The following GNAS variants were observed in gnomAD, a reference collection of about 807,000 sequenced individuals.
The protein encoded by GNAS is protein ALEX.
A neutral mutation model predicts 54.5 loss-of-function variants in GNAS; 8 were observed. The observed-to-expected ratio is 0.15, with a 90% confidence interval of 0.09 to 0.26. The LOEUF (loss-of-function observed/expected upper bound fraction) is 0.26. GNAS is among the 10% of genes least tolerant of loss of function. GNAS has a pLI of 1.00. For synonymous variants in GNAS, 204 were observed against 191.4 expected (o/e 1.07, Z -0.54); for missense variants, 170 against 529.8 (o/e 0.32, Z 6.67).
At chr20:58,866,883 G>A (rs2087102966) in intron 1 of GNAS, among the ~76,000 whole-genome samples, 2 of 151,502 alleles carry the variant, frequency 1.3e-5, no homozygotes, top group Non-Finnish European at 2.9e-5. Context: ...CTCCACTCCA[G>A]ACATGCAGGT....
At position 58,909,695 on chromosome 20, in the gene GNAS, A is replaced by C; in HGVS notation, c.730A>C (p.Ile244Leu). 6.2e-7 allele frequency: 1 copy of C among 1,614,110 alleles called. No individual in the cohort carries two copies. The highest frequency in any genetic ancestry group is 8.5e-7 in the Non-Finnish European group (1 of 1,180,000). ...WIQCFNDVTA[I>L]IFVVASSSYN... ...TCTCTTTGGTTAAGATGTGACTGCC[A>C]TCATCTTCGTGGTGGCCAGCAGCAG... Residue 244 changes from isoleucine to leucine, a missense_variant, in exon 10 of 13, where the codon ATC (isoleucine) becomes CTC (leucine). Ile to Leu is a conservative substitution (Grantham distance 5, BLOSUM62 2). Around this residue, in one of 3 missense-constraint regions of GNAS, gnomAD observed 36 missense variants for 223.0 expected, o/e 0.16. Transcript: ENST00000371085. The surrounding 1 kb of genome is among the most constrained non-coding windows in gnomAD (Gnocchi z 7.3).
chr20:58,871,293 C>T (rs570926301), intron 1 of GNAS, among the ~76,000 whole-genome samples: 130 of 152,038 alleles, frequency 8.6e-4, no homozygotes, highest in Middle Eastern at 6.8e-3. Context: ...AAGGTGCAAA[C>T]GGAAGGAAAG....
chr20:58,840,129 A>G (rs1225314176), upstream of GNAS: 1 of 1,611,466 alleles, frequency 6.2e-7, no homozygotes, highest in Non-Finnish European at 8.5e-7. The surrounding 1 kb of genome is among the most constrained non-coding windows in gnomAD (Gnocchi z 6.0). Flanking sequence ...TCCCGGGCTC[A>G]GCAGTGGCGC....
At chr20:58,876,974 T>C (rs553744308) in intron 1 of GNAS, 1 of 152,380 alleles carries the variant, frequency 6.6e-6, no homozygotes, top group South Asian at 2.1e-4. Flanking sequence ...TGCTTAGAAC[T>C]CTGCTTTAAG....
chr20:58,884,425 T>C (rs2088452909), intron 1 of GNAS: 1 of 152,244 alleles, frequency 6.6e-6, no homozygotes, highest in Non-Finnish European at 1.5e-5. Flanking sequence ...GGAAATTTTA[T>C]TAGAACCTCA....
At chr20:58,906,176 C>A (rs186822849) in intron 6 of GNAS, among the ~76,000 whole-genome samples, 2 of 152,156 alleles carry the variant, frequency 1.3e-5, no homozygotes, top group Non-Finnish European at 2.9e-5. Flanking sequence ...TTACTACCTG[C>A]GAGGAGGACA....
In GNAS at chr20:58,841,005, G is replaced by A; in HGVS notation, c.43+119G>A. The A allele has an allele frequency of 8.7e-7, 1 of 1,151,216 alleles. No homozygotes were observed. Among genetic ancestry groups the A allele is most frequent in the Non-Finnish European group, 1.3e-6 (1 of 797,262 alleles). The allele number at this position is 1,151,216 out of a possible 1,614,324, so 71.3% of individuals were successfully genotyped here. A position where few individuals can be genotyped will look rare whatever the true frequency, so the allele number is the denominator to read the frequency against. Reference sequence around the variant, plus strand: ...AGTGGGAAGAGAGGAGGCTCAGCTGGTCAGCCTGGGATCGGGGGTCAGGGT... The same window carrying A: ...AGTGGGAAGAGAGGAGGCTCAGCTGATCAGCCTGGGATCGGGGGTCAGGGT... On this transcript the variant is annotated intron_variant, in intron 1 of 12. Transcript: ENST00000306090. The surrounding 1 kb of genome is among the most constrained non-coding windows in gnomAD (Gnocchi z 5.0).
intron 1 of GNAS, among the ~76,000 whole-genome samples, chr20:58,849,680 TC>T (rs2086078029): frequency 6.6e-6 from 1 of 152,186 alleles, no homozygotes; most frequent in Admixed American, 6.5e-5. Flanking sequence ...ACACTTTGGC[TC>T]CTCCATCTTT....
At position 58,873,843 on chromosome 20, in the gene GNAS, G is replaced by A. The variant is rs1361198650; in HGVS notation, c.44-21769G>A. ...AAGTTAACAAGAGTGGGCAGTCTCT[G>A]CTAAGCGATTACACAGGGAATAAAT... On this transcript the variant is annotated intron_variant, in intron 1 of 12. Transcript: ENST00000306090. This position sits in a 1 kb window ranked among gnomAD's most constrained non-coding sequence, Gnocchi z 4.3. Among the ~76,000 whole-genome samples the A allele has an allele frequency of 6.6e-6, 1 of 152,170 alleles. No individual in the cohort carries two copies. Among genetic ancestry groups the A allele is most frequent in the East Asian group, 1.9e-4 (1 of 5,206 alleles).
intron 1 of GNAS, among the ~76,000 whole-genome samples, chr20:58,893,095 C>T (rs6026580): frequency 0.68 from 88,305 of 129,150 alleles, 29,726 homozygotes; most frequent in South Asian, 0.77. Flanking sequence ...TTTTTGTCCT[C>T]CTCAAGGTGG....
chr20:58,893,027 G>A (rs2089640868), intron 1 of GNAS, among the ~76,000 whole-genome samples: 1 of 143,958 alleles, frequency 6.9e-6, no homozygotes, highest in Non-Finnish European at 1.5e-5. Flanking sequence ...AATGACATTT[G>A]TCTGTAAATG....
At chr20:58,875,065 T>A (rs991517212) in intron 1 of GNAS, among the ~76,000 whole-genome samples, 1 of 152,214 alleles carries the variant, frequency 6.6e-6, no homozygotes, top group South Asian at 2.1e-4. Context: ...TTGCTAGCTA[T>A]TTTTTATGTT....
chr20:58,871,626 A>C (rs573129268), intron 1 of GNAS, among the ~76,000 whole-genome samples: 55 of 147,754 alleles, frequency 3.7e-4, no homozygotes, highest in African/African-American at 7.8e-4. Context: ...AAAAAAAAAA[A>C]AAACAAACAA....
chr20:58,898,597 ATT>A, intron 2 of GNAS: 1 of 385,424 alleles, frequency 2.6e-6, no homozygotes, highest in Non-Finnish European at 4.8e-6. Context: ...TCTCCAAAGA[ATT>A]GTGAGATAAA....
upstream of GNAS, among the ~76,000 whole-genome samples, chr20:58,887,356 ACAAT>A (rs939901662): frequency 1.9e-4 from 29 of 152,248 alleles, no homozygotes; most frequent in South Asian, 2.1e-4. Context: ...TTTAAAAATG[ACAAT>A]CAATCAAATT....
rs2089948949 is a variant in GNAS, at chr20:58,895,379, C to A, written c.140-233C>A. On this transcript the variant is annotated intron_variant, in intron 1 of 12. Transcript: ENST00000371085. Reference sequence around the variant, plus strand: ...CAAAAGAAAAATTAAAACCAGCAAACCTTAAATTCTTGTTTGTTATTTGGA... The same window carrying A: ...CAAAAGAAAAATTAAAACCAGCAAAACTTAAATTCTTGTTTGTTATTTGGA... 9.4e-6 allele frequency: 5 copies of A among 529,130 alleles called. No homozygotes were observed. The South Asian group carries it at 1.1e-4, about 11-fold the overall frequency. The allele number at this position is 529,130 out of a possible 1,614,324, so 32.8% of individuals were successfully genotyped here. A position where few individuals can be genotyped will look rare whatever the true frequency, so the allele number is the denominator to read the frequency against.
chr20:58,853,331 C>T lies in GNAS; in HGVS notation c.43+12445C>T, dbSNP rs757329603. The stretch of plus-strand genomic sequence containing the variant: ...GACAACGCGATATCCCCCCTGAAAT[C>T]GGGGAACAGCCCGAGCAACCACCTT... On this transcript the variant is annotated intron_variant, in intron 1 of 12. Coordinates refer to the GNAS transcript ENST00000306090. The surrounding 1 kb of genome is among the most constrained non-coding windows in gnomAD (Gnocchi z 4.4). 1.9e-6 allele frequency: 3 copies of T among 1,550,568 alleles called. No homozygotes were observed. Among genetic ancestry groups the T allele is most frequent in the Non-Finnish European group, 2.6e-6 (3 of 1,146,792 alleles).
intron 1 of GNAS, among the ~76,000 whole-genome samples, chr20:58,865,325 G>A (rs1279949934): frequency 1.3e-5 from 2 of 151,354 alleles, no homozygotes; most frequent in Non-Finnish European, 2.9e-5. Context: ...GGCTGAGGCA[G>A]GAGAATCGCT....
At chr20:58,883,377 A>G (rs1023455179) in intron 1 of GNAS, among the ~76,000 whole-genome samples, 9 of 152,212 alleles carry the variant, frequency 5.9e-5, no homozygotes, top group Non-Finnish European at 7.3e-5. Flanking sequence ...AAAAACAGGA[A>G]TGTTCAAGAA....
Sources: allele counts gnomAD v4.1 joint callset (sites outside exome capture counted in the v4.1 genomes callset), GRCh38; gene constraint gnomAD v4.1.1; regional missense constraint gnomAD v4.1.1; non-coding constraint Gnocchi (gnomAD v3.1); transcripts MANE v1.5; gene names NCBI Gene and HGNC (gene_info 2026-07-23, HGNC 2026-07-21).